Variants in EVI5L observed in about 807,000 individuals in gnomAD.
EVI5L encodes the protein ecotropic viral integration site 5 like, also known as EVI5-like protein.
EVI5L carries 30 observed loss-of-function variants against 106.1 expected under a neutral mutation model. The observed-to-expected ratio is 0.28, with a 90% confidence interval of 0.21 to 0.38. The LOEUF (loss-of-function observed/expected upper bound fraction) is 0.38. Among genes scored for constraint, EVI5L ranks in the 10% least tolerant of loss-of-function variants. The pLI is 1.00. For synonymous variants in EVI5L, 489 were observed against 483.3 expected (o/e 1.01, Z -0.15); for missense variants, 809 against 1,098.0 (o/e 0.74, Z 3.72).
chr19:7,830,832 T>G (rs1381342823), intron 1 of EVI5L, among the ~76,000 whole-genome samples: 3 of 50,200 alleles, frequency 6.0e-5, no homozygotes, highest in African/African-American at 8.0e-5. Flanking sequence ...TGCCACCCCC[T>G]CCCCGCACCC....
intron 9 of EVI5L, 22 bp downstream of exon 9, chr19:7,853,205 A>G (rs761449864): frequency 6.2e-7 from 1 of 1,614,036 alleles, no homozygotes; most frequent in Non-Finnish European, 8.5e-7. Flanking sequence ...CTGGGCAACC[A>G]GGGTACTGGT....
chr19:7,839,792 G>A (rs1978517768), intron 1 of EVI5L, among the ~76,000 whole-genome samples: 3 of 152,150 alleles, frequency 2.0e-5, no homozygotes, highest in Non-Finnish European at 2.9e-5. Flanking sequence ...GCATGGTGGC[G>A]AATATCTGTG....
At position 7,858,866 on chromosome 19, in the gene EVI5L, A is replaced by AC. The variant is rs1414988162; in HGVS notation, c.1374+539dup. On this transcript the variant is annotated intron_variant, in intron 13 of 19. Coordinates refer to ENST00000538904, the MANE Select transcript of EVI5L (RefSeq NM_001159944.3). The surrounding 1 kb of genome is among the most constrained non-coding windows in gnomAD (Gnocchi z 5.7). Reference sequence around the variant, plus strand: ...TGGGCAGGCCCATGAGTGGGGCCCCACCCCAAGATTTTCTTCTCCTGAAAG... The same window carrying AC: ...TGGGCAGGCCCATGAGTGGGGCCCCACCCCCAAGATTTTCTTCTCCTGAAAG... 6.5e-6 allele frequency: 1 copy of AC among 152,818 alleles called. No homozygotes were observed. The highest frequency in any genetic ancestry group is 1.5e-5 in the Non-Finnish European group (1 of 68,572). The allele number at this position is 152,818 out of a possible 1,614,324, so 9.5% of individuals were successfully genotyped here.
chr19:7,854,009 C>A (rs374868437), intron 10 of EVI5L, among the ~76,000 whole-genome samples: 1 of 152,152 alleles, frequency 6.6e-6, no homozygotes, highest in South Asian at 2.1e-4. Context: ...TTGCCGGGCG[C>A]GATGGCTCAT....
rs1339694236 is a variant in EVI5L, at chr19:7,857,077, C to T, written c.1201-15C>T. On this transcript the variant is annotated splice_polypyrimidine_tract_variant and intron_variant, in intron 11 of 19. Coordinates refer to ENST00000538904, the MANE Select transcript of EVI5L (RefSeq NM_001159944.3). The surrounding 1 kb of genome is among the most constrained non-coding windows in gnomAD (Gnocchi z 4.5). The stretch of plus-strand genomic sequence containing the variant: ...CCTCCTCCCCCTGTCGCTGGGAACC[C>T]CCTTCGCCGGGTAGGAGAGCGCTGC... 6.4e-7 allele frequency: 1 copy of T among 1,551,854 alleles called. No individual in the cohort carries two copies. The highest frequency in any genetic ancestry group is 1.7e-4 in the Middle Eastern group (1 of 5,994).
At position 7,863,674 on chromosome 19, in the gene EVI5L, C is replaced by A. The variant is rs577631697; in HGVS notation, c.2390C>A (p.Ala797Glu). 2.3e-5 allele frequency: 35 copies of A among 1,526,964 alleles called. No individual in the cohort carries two copies. Among genetic ancestry groups the A allele is most frequent in the African/African-American group, 4.2e-5 (3 of 71,940 alleles). 94.6% of individuals were successfully genotyped at this position (1,526,964 alleles called of 1,614,324 possible). A position where few individuals can be genotyped will look rare whatever the true frequency, so the allele number is the denominator to read the frequency against. ...GACAGCGACGCCGATGAGCTGGCCG[C>A]GCCCTACAGCCAGGGTCTGGACAAC... ...SSDSDADELAAPYSQGLDN is the reference protein window; with the variant it reads ...SSDSDADELAEPYSQGLDN The change falls in exon 20 of 20, where the codon GCG (alanine) becomes GAG (glutamate). Residue 797 changes from alanine (A) to glutamate (E), a missense_variant. Ala to Glu is a moderately radical substitution (Grantham distance 107). Transcript: ENST00000538904. This position sits in a 1 kb window ranked among gnomAD's most constrained non-coding sequence, Gnocchi z 7.7.
intron 1 of EVI5L, among the ~76,000 whole-genome samples, chr19:7,836,106 A>G (rs1336134646): frequency 6.6e-6 from 1 of 152,066 alleles, no homozygotes; most frequent in Non-Finnish European, 1.5e-5. Context: ...ATATGGTGGC[A>G]CGCACCTGTA....
Position 7,857,196 on chromosome 19 carries a change from G to A in EVI5L, c.1233+72G>A. ...CCCTGCACCCTGCACATGACAGCCA[G>A]TAACCGCCTCTTCCCTGCCATTCTG... On this transcript the variant is annotated intron_variant, in intron 12 of 19. Coordinates refer to ENST00000538904, the MANE Select transcript of EVI5L (RefSeq NM_001159944.3). This position sits in a 1 kb window ranked among gnomAD's most constrained non-coding sequence, Gnocchi z 4.5. 7 of 1,532,544 alleles carry A rather than the reference G, an allele frequency of 4.6e-6. No individual in the cohort carries two copies. The highest frequency in any genetic ancestry group is 1.2e-5 in the South Asian group (1 of 83,700). The allele number at this position is 1,532,544 out of a possible 1,614,324, so 94.9% of individuals were successfully genotyped here.
intron 1 of EVI5L, among the ~76,000 whole-genome samples, chr19:7,837,633 G>A (rs1403585646): frequency 6.6e-6 from 1 of 152,118 alleles, no homozygotes; most frequent in Non-Finnish European, 1.5e-5. Context: ...TCTGGGCTGT[G>A]ACAGTTTCTC....
chr19:7,846,416 G>A (rs1978950471), intron 1 of EVI5L, 80 bp from the exon 2 acceptor site: 1 of 1,330,968 alleles, frequency 7.5e-7, no homozygotes, highest in South Asian at 1.5e-5. Context: ...AGCCCAGGGT[G>A]AGGAAATGTC....
intron 1 of EVI5L, among the ~76,000 whole-genome samples, chr19:7,843,215 A>G (rs1380915473): frequency 7.3e-6 from 1 of 137,366 alleles, no homozygotes; most frequent in Non-Finnish European, 1.5e-5. Flanking sequence ...GTGTGTGAGA[A>G]TAAGCATGGG....
At chr19:7,862,080 TG>T in intron 15 of EVI5L, 41 bp from the exon 16 acceptor site, 1 of 1,547,004 alleles carries the variant, frequency 6.5e-7, no homozygotes, top group Non-Finnish European at 8.7e-7. Flanking sequence ...TCGGGGTTCT[TG>T]GGCGGAGGCT....
intron 8 of EVI5L, 185 bp from the exon 9 acceptor site, chr19:7,852,901 C>G (rs1979324934): frequency 1.6e-6 from 1 of 608,074 alleles, no homozygotes; most frequent in Admixed American, 3.0e-5. Flanking sequence ...CAGGCAGTCC[C>G]CCATTCCCTC....
At chr19:7,839,944 G>C (rs747344624) in intron 1 of EVI5L, among the ~76,000 whole-genome samples, 2 of 152,076 alleles carry the variant, frequency 1.3e-5, no homozygotes, top group African/African-American at 4.8e-5. Context: ...TTCCAGCCTG[G>C]AGAGCAGAGG....
At chr19:7,851,340 G>T (rs1979239407) in intron 6 of EVI5L, 94 bp from the exon 7 acceptor site, 7 of 1,485,232 alleles carry the variant, frequency 4.7e-6, no homozygotes, top group Non-Finnish European at 5.5e-6. Flanking sequence ...GCAGGTCCAG[G>T]AAGGCTCCCT....
intron 10 of EVI5L, among the ~76,000 whole-genome samples, chr19:7,855,534 C>T (rs182710299): frequency 7.4e-4 from 112 of 152,306 alleles, no homozygotes; most frequent in African/African-American, 2.7e-3. Flanking sequence ...ATGTAGTTGT[C>T]GAGAAAGGAT....
At position 7,863,232 on chromosome 19, in the gene EVI5L, G is replaced by T; in HGVS notation, c.2091G>T (p.Ser697=). The T allele has an allele frequency of 6.4e-7, 1 of 1,563,316 alleles. No individual in the cohort carries two copies. The highest frequency in any genetic ancestry group is 8.7e-7 in the Non-Finnish European group (1 of 1,154,124). The change falls in exon 19 of 20, where the codon TCG becomes TCT. Residue 697 remains serine, a synonymous_variant. Coordinates refer to ENST00000538904, the MANE Select transcript of EVI5L (RefSeq NM_001159944.3). This position sits in a 1 kb window ranked among gnomAD's most constrained non-coding sequence, Gnocchi z 7.7. The part of the protein sequence containing the change: ...IQGQLNHSDS[S]QYIRELKDQI... ...GCCAGCTGAACCACTCGGACTCATC[G>T]CAGTACATCCGCGAGCTCAAGGACC...
chr19:7,836,274 T>G (rs569175), intron 1 of EVI5L, among the ~76,000 whole-genome samples: 86,980 of 151,770 alleles, frequency 0.57, 25,106 homozygotes, highest in South Asian at 0.77. Flanking sequence ...GGTAGGGGAG[T>G]AAGGGAAACA....
At chr19:7,837,238 G>A (rs1270884259) in intron 1 of EVI5L, among the ~76,000 whole-genome samples, 1 of 151,842 alleles carries the variant, frequency 6.6e-6, no homozygotes, top group African/African-American at 2.4e-5. Flanking sequence ...GGCTGAGGCA[G>A]GAGAATCACT....
Sources: allele counts gnomAD v4.1 joint callset (sites outside exome capture counted in the v4.1 genomes callset), GRCh38; gene constraint gnomAD v4.1.1; non-coding constraint Gnocchi (gnomAD v3.1); transcripts MANE v1.5; gene names NCBI Gene and HGNC (gene_info 2026-07-23, HGNC 2026-07-21).